DPYD: variants seen among roughly 807,000 people sequenced by gnomAD.
The protein encoded by DPYD is dihydropyrimidine dehydrogenase [NADP(+)].
In DPYD, 109 loss-of-function variants were observed where a neutral mutation model predicts 116.2. That is an observed-to-expected ratio of 0.94 (90% CI 0.80 to 1.10). DPYD has a LOEUF of 1.10. Ranked by LOEUF, DPYD falls within the 50% of genes least tolerant of loss-of-function variation. The pLI is 0.00. For synonymous variants in DPYD, 440 were observed against 432.0 expected, an observed-to-expected ratio of 1.02 and a Z score of -0.23; for missense variants, 1,302 against 1,254.5, an observed-to-expected ratio of 1.04 and a Z score of -0.57.
intron 20 of DPYD, among the ~76,000 whole-genome samples, chr1:97,174,988 G>A (rs998666930): frequency 1.3e-5 from 2 of 152,068 alleles, no homozygotes; most frequent in Admixed American, 6.6e-5. Context: ...GCTCTTTTGT[G>A]TCTGGTTTCT....
At chr1:97,776,564 C>A (rs1036677830) in intron 3 of DPYD, among the ~76,000 whole-genome samples, 1 of 152,118 alleles carries the variant, frequency 6.6e-6, no homozygotes, top group Non-Finnish European at 1.5e-5. Context: ...AAGACGTTCT[C>A]TCTAGTTTTT....
intron 6 of DPYD, among the ~76,000 whole-genome samples, chr1:97,694,232 A>T (rs1384326475): frequency 1.3e-5 from 2 of 152,234 alleles, no homozygotes; most frequent in Non-Finnish European, 2.9e-5. Flanking sequence ...AATACTGAGA[A>T]ATGTTAGATT....
chr1:97,365,261 C>T (rs549371544), intron 16 of DPYD, among the ~76,000 whole-genome samples: 1 of 152,316 alleles, frequency 6.6e-6, no homozygotes, highest in Non-Finnish European at 1.5e-5. Context: ...AGTCAGATCA[C>T]GTAACTAGAC....
intron 20 of DPYD, among the ~76,000 whole-genome samples, chr1:97,111,946 T>A (rs78065033): frequency 0.064 from 9,768 of 152,158 alleles, 419 homozygotes; most frequent in South Asian, 0.18. Flanking sequence ...TAATATTTTA[T>A]AAGGTTGTAA....
At chr1:97,771,927 T>C (rs961612197) in intron 3 of DPYD, among the ~76,000 whole-genome samples, 11 of 152,160 alleles carry the variant, frequency 7.2e-5, no homozygotes, top group Middle Eastern at 3.2e-3. Context: ...TCTTTTCTTA[T>C]GCTCAACTTA....
At chr1:97,699,990 C>T (rs1199787270) in intron 5 of DPYD, among the ~76,000 whole-genome samples, 2 of 152,072 alleles carry the variant, frequency 1.3e-5, no homozygotes, top group Non-Finnish European at 2.9e-5. Context: ...ACACGGTAGA[C>T]ATTTAATAAA....
chr1:97,473,886 C>A (rs1677796278), intron 13 of DPYD, among the ~76,000 whole-genome samples: 1 of 151,784 alleles, frequency 6.6e-6, no homozygotes, highest in Non-Finnish European at 1.5e-5. Context: ...GTGGAATATG[C>A]CTGTAGTCCC....
At chr1:97,383,971 T>C (rs1261268946) in intron 14 of DPYD, among the ~76,000 whole-genome samples, 4 of 152,126 alleles carry the variant, frequency 2.6e-5, no homozygotes, top group Non-Finnish European at 5.9e-5. Flanking sequence ...TAGCTGGGTG[T>C]GGTGCCCTGC....
intron 13 of DPYD, among the ~76,000 whole-genome samples, chr1:97,453,584 A>T (rs1676532790): frequency 6.6e-6 from 1 of 152,062 alleles, no homozygotes. Flanking sequence ...CCAACATCTC[A>T]CATTAGCCAA....
chr1:97,562,682 T>C (rs1312994529), intron 11 of DPYD, among the ~76,000 whole-genome samples: 1 of 152,244 alleles, frequency 6.6e-6, no homozygotes, highest in Admixed American at 6.5e-5. Context: ...TAAGATTTAA[T>C]GTAATTTTCT....
At chr1:97,653,999 G>A (rs1421652339) in intron 8 of DPYD, among the ~76,000 whole-genome samples, 1 of 152,132 alleles carries the variant, frequency 6.6e-6, no homozygotes, top group African/African-American at 2.4e-5. Flanking sequence ...TCAATATTGT[G>A]CGTGTGCTCT....
chr1:97,859,526 C>A (rs1355449110), intron 2 of DPYD, among the ~76,000 whole-genome samples: 1 of 152,126 alleles, frequency 6.6e-6, no homozygotes, highest in Non-Finnish European at 1.5e-5. Flanking sequence ...ATGTTTTTTA[C>A]AAGCGGTAGC....
intron 9 of DPYD, among the ~76,000 whole-genome samples, chr1:97,594,637 G>A (rs530643800): frequency 6.0e-4 from 92 of 152,128 alleles, no homozygotes; most frequent in Non-Finnish European, 9.7e-4. Context: ...GTGATAGGGT[G>A]TCTATCAAAG....
intron 3 of DPYD, among the ~76,000 whole-genome samples, chr1:97,804,688 C>T (rs77226734): frequency 0.028 from 4,311 of 151,796 alleles, 210 homozygotes; most frequent in African/African-American, 0.099. Context: ...TAACAGGTTG[C>T]ATATTCTAGC....
At chr1:97,448,463 A>G (rs1321916496) in intron 14 of DPYD, among the ~76,000 whole-genome samples, 1 of 152,106 alleles carries the variant, frequency 6.6e-6, no homozygotes, top group African/African-American at 2.4e-5. Flanking sequence ...AATAAATAAA[A>G]CTTTTGTAAC....
intron 21 of DPYD, among the ~76,000 whole-genome samples, chr1:97,088,638 T>C (rs768997762): frequency 2.6e-5 from 4 of 152,118 alleles, no homozygotes; most frequent in Admixed American, 6.5e-5. Context: ...TACTCCACCC[T>C]GAGGTTTGTG....
intron 13 of DPYD, among the ~76,000 whole-genome samples, chr1:97,504,740 T>A (rs1234593360): frequency 6.6e-6 from 1 of 151,988 alleles, no homozygotes; most frequent in African/African-American, 2.4e-5. Context: ...ATTTATCAAT[T>A]TAAAATTCAT....
intron 1 of DPYD, among the ~76,000 whole-genome samples, chr1:97,900,021 C>T (rs571920369): frequency 1.1e-4 from 16 of 152,046 alleles, no homozygotes; most frequent in Admixed American, 3.9e-4. Flanking sequence ...CCATAGTTCT[C>T]AGCTACAGAC....
rs1422890924 is a variant in DPYD at position 97,333,501 on chromosome 1, A to G, written c.2059-27204T>C. Among the ~76,000 whole-genome samples, 3 of 132,532 alleles carry G rather than the reference A, an allele frequency of 2.3e-5. No homozygotes were observed. The Admixed American group carries it at 2.4e-4, about 11-fold the overall frequency. 86.9% of individuals were successfully genotyped at this position (132,532 alleles called of 152,430 possible). A position where few individuals can be genotyped will look rare whatever the true frequency, so the allele number is the denominator to read the frequency against. ...GTGTGAGCCACCATGCCCGGCCCCA[A>G]TTGCTAAGTCTTAGGATTTTTTTTT... On this transcript the variant is annotated intron_variant, in intron 16 of 22. Transcript: ENST00000370192.
Sources: allele counts gnomAD v4.1 joint callset (sites outside exome capture counted in the v4.1 genomes callset), GRCh38; gene constraint gnomAD v4.1.1; transcripts MANE v1.5; gene names NCBI Gene and HGNC (gene_info 2026-07-23, HGNC 2026-07-21).